The following ARHGAP24 variants were observed in gnomAD, a reference collection of about 807,000 sequenced individuals.
The protein encoded by ARHGAP24 is rho GTPase-activating protein 24.
Under a neutral mutation model 76.4 loss-of-function variants are expected in ARHGAP24, and 50 were observed. That is an observed-to-expected ratio of 0.65 (90% CI 0.52 to 0.83). ARHGAP24 has a LOEUF of 0.83. ARHGAP24 is among the 40% of genes least tolerant of loss of function. The pLI, the probability that ARHGAP24 is intolerant of heterozygous loss-of-function variation, is 0.00. For synonymous variants in ARHGAP24, 345 were observed against 323.3 expected, an observed-to-expected ratio of 1.07 and a Z score of -0.72; for missense variants, 930 against 914.2, an observed-to-expected ratio of 1.02 and a Z score of -0.22.
At chr4:85,516,392 T>C (rs555380429) in intron 1 of ARHGAP24, among the ~76,000 whole-genome samples, 1 of 152,284 alleles carries the variant, frequency 6.6e-6, no homozygotes, top group South Asian at 2.1e-4. Flanking sequence ...AAGTATGCCA[T>C]AGAAATTTAA....
chr4:85,813,850 T>TATATA (rs1729121233), intron 3 of ARHGAP24, among the ~76,000 whole-genome samples: 2 of 139,634 alleles, frequency 1.4e-5, no homozygotes, highest in African/African-American at 5.5e-5. Flanking sequence ...ATATTTGTAG[T>TATATA]TAGAACATGT....
intron 2 of ARHGAP24, among the ~76,000 whole-genome samples, chr4:85,600,141 C>T (rs1273746302): frequency 6.6e-6 from 1 of 152,102 alleles, no homozygotes; most frequent in African/African-American, 2.4e-5. Context: ...GAGGGAACAA[C>T]AGTAGGTGCA....
At chr4:85,477,418 A>G (rs969282324) in intron 1 of ARHGAP24, among the ~76,000 whole-genome samples, 2 of 152,224 alleles carry the variant, frequency 1.3e-5, no homozygotes, top group Admixed American at 6.5e-5. Context: ...TCTAGAAAAA[A>G]ATCCACTGCA....
At position 85,956,941 on chromosome 4, in the gene ARHGAP24, G is replaced by A. The variant is rs569419734; in HGVS notation, c.599+14668G>A. Among the ~76,000 whole-genome samples the A allele has an allele frequency of 1.4e-4, 22 of 152,290 alleles. No homozygotes were observed. The East Asian group carries it at 3.9e-3, about 27-fold the overall frequency. On this transcript the variant is annotated intron_variant, in intron 5 of 9. Transcript: ENST00000395184. ...GACCCAAAGAGGGTAGCTGTTGCTG[G>A]CTCAAATGCCTGGGTTTATATCCCG...
chr4:85,587,967 T>C (rs1727928283), intron 2 of ARHGAP24, among the ~76,000 whole-genome samples: 1 of 152,094 alleles, frequency 6.6e-6, no homozygotes, highest in Admixed American at 6.5e-5. Flanking sequence ...GTAGGGCCTA[T>C]TTAGACAGAA....
chr4:85,944,113 C>A (rs1002484600), intron 5 of ARHGAP24, among the ~76,000 whole-genome samples: 1 of 152,142 alleles, frequency 6.6e-6, no homozygotes, highest in Non-Finnish European at 1.5e-5. Flanking sequence ...ACGTCCTCTC[C>A]AGCATCTGTT....
chr4:85,918,346 C>T (rs949308610), intron 3 of ARHGAP24, among the ~76,000 whole-genome samples: 1 of 151,502 alleles, frequency 6.6e-6, no homozygotes, highest in Non-Finnish European at 1.5e-5. Flanking sequence ...GAATATTATC[C>T]ATATGTCTAT....
intron 1 of ARHGAP24, among the ~76,000 whole-genome samples, chr4:85,495,616 T>C (rs895157481): frequency 5.3e-5 from 8 of 151,988 alleles, no homozygotes; most frequent in African/African-American, 1.7e-4. Flanking sequence ...CCGCCCAAAG[T>C]GCTGGGATTA....
At chr4:85,626,439 T>C (rs1720957399) in intron 2 of ARHGAP24, among the ~76,000 whole-genome samples, 1 of 152,198 alleles carries the variant, frequency 6.6e-6, no homozygotes, top group African/African-American at 2.4e-5. Flanking sequence ...TCGAGAGATC[T>C]GCTGTTAGTC....
intron 5 of ARHGAP24, among the ~76,000 whole-genome samples, chr4:85,946,608 C>G (rs1737281851): frequency 6.6e-6 from 1 of 152,122 alleles, no homozygotes; most frequent in Non-Finnish European, 1.5e-5. Flanking sequence ...TTCGTTAGTT[C>G]ACTTAGGATA....
rs368959059 is a variant in ARHGAP24, at chr4:85,655,375, A to G, written c.181-66510A>G. On this transcript the variant is annotated intron_variant, in intron 2 of 9. Transcript: ENST00000395184. Reference sequence around the variant, plus strand: ...GGACTTGCTACTGAAAAACAATTTTATACAAAAAGAGCTGAATAGGAATTT... The same window carrying G: ...GGACTTGCTACTGAAAAACAATTTTGTACAAAAAGAGCTGAATAGGAATTT... Among the ~76,000 whole-genome samples the G allele has an allele frequency of 8.5e-5, 13 of 152,322 alleles. No homozygotes were observed. In the South Asian group the frequency reaches 1.0e-3, roughly 12 times the overall value.
chr4:85,595,589 G>T (rs1719785795), intron 2 of ARHGAP24, among the ~76,000 whole-genome samples: 1 of 151,938 alleles, frequency 6.6e-6, no homozygotes, highest in African/African-American at 2.4e-5. Context: ...AAAGACTTTA[G>T]GGAACATAAT....
intron 1 of ARHGAP24, among the ~76,000 whole-genome samples, chr4:85,504,698 T>C (rs1312039936): frequency 6.6e-6 from 1 of 152,208 alleles, no homozygotes; most frequent in Non-Finnish European, 1.5e-5. Context: ...GTCTTTTAAT[T>C]GGAACATTCA....
At chr4:85,713,393 A>G (rs1446304807) in intron 2 of ARHGAP24, among the ~76,000 whole-genome samples, 1 of 152,192 alleles carries the variant, frequency 6.6e-6, no homozygotes, top group Non-Finnish European at 1.5e-5. Context: ...TTTTAAAAAT[A>G]TATTTTAAAT....
rs555860813 is a variant in ARHGAP24, at chr4:85,610,045, C to A, written c.180+39324C>A. On this transcript the variant is annotated intron_variant, in intron 2 of 9. Coordinates refer to ENST00000395184, the MANE Select transcript of ARHGAP24 (RefSeq NM_001025616.3). ...ATTGGGCATAAGACAATTTAATGAA[C>A]TTGTTTATTTGTGTCAGGTCCCTGA... 1.2e-3 allele frequency among the ~76,000 whole-genome samples: 186 copies of A among 152,148 alleles called. 1 individual carries two copies. The highest frequency in any genetic ancestry group is 3.5e-3 in the African/African-American group (145 of 41,526).
rs889647150 is a variant in ARHGAP24, at chr4:86,002,110, C to T, written c.*1388C>T. 7.9e-5 allele frequency: 12 copies of T among 152,088 alleles called. No individual in the cohort carries two copies. The highest frequency in any genetic ancestry group is 2.7e-4 in the African/African-American group (11 of 41,408). The allele number at this position is 152,088 out of a possible 1,614,324, so 9.4% of individuals were successfully genotyped here. On this transcript the variant is annotated 3_prime_UTR_variant, in exon 10 of 10. Coordinates refer to ENST00000395184, the MANE Select transcript of ARHGAP24 (RefSeq NM_001025616.3). ...GAGGCCAGGCAAATAATCTTTCTCACCGTAGAACAAAAAGTTACAAAAGGC... is the reference window on the plus strand; with the variant it reads ...GAGGCCAGGCAAATAATCTTTCTCATCGTAGAACAAAAAGTTACAAAAGGC...
intron 1 of ARHGAP24, among the ~76,000 whole-genome samples, chr4:85,528,318 A>G (rs1238777791): frequency 6.6e-6 from 1 of 152,100 alleles, no homozygotes; most frequent in African/African-American, 2.4e-5. Flanking sequence ...AATATTAGCT[A>G]TGATTGCTAA....
intron 1 of ARHGAP24, among the ~76,000 whole-genome samples, chr4:85,531,732 T>C (rs956328542): frequency 3.3e-5 from 5 of 152,098 alleles, no homozygotes; most frequent in Non-Finnish European, 7.4e-5. Flanking sequence ...TGATTTTCAC[T>C]TCCTCCTTTT....
intron 2 of ARHGAP24, among the ~76,000 whole-genome samples, chr4:85,577,970 G>C (rs1230851304): frequency 1.3e-5 from 2 of 152,182 alleles, no homozygotes; most frequent in Non-Finnish European, 2.9e-5. Flanking sequence ...AGGCAAGTTT[G>C]TTAAGAGTCC....
Sources: gnomAD v4.1 joint callset for allele counts (sites outside exome capture counted in the v4.1 genomes callset) on GRCh38, gnomAD v4.1.1 for gene constraint, MANE v1.5 for transcripts, NCBI Gene and HGNC (gene_info 2026-07-23, HGNC 2026-07-21) for gene names.